The following GPC5 variants were observed in gnomAD, a reference collection of about 807,000 sequenced individuals.
GPC5 encodes glypican-5.
Under a neutral mutation model 53.9 loss-of-function variants are expected in GPC5, and 47 were observed. The observed-to-expected ratio is 0.87, with a 90% CI of 0.69 to 1.11. The LOEUF (loss-of-function observed/expected upper bound fraction) is 1.11, where lower values mean the gene tolerates loss of function less well. Among genes scored for constraint, GPC5 ranks in the 50% most tolerant of loss-of-function variants. GPC5 has a pLI of 0.00. For missense variants in GPC5, 748 were observed against 713.1 expected (o/e 1.05, Z -0.56); for synonymous variants, 286 against 263.3 (o/e 1.09, Z -0.84).
At chr13:91,946,854 T>C (rs1009688285) in intron 6 of GPC5, among the ~76,000 whole-genome samples, 3 of 152,234 alleles carry the variant, frequency 2.0e-5, no homozygotes, top group African/African-American at 7.2e-5. Context: ...ATAAGCCAGC[T>C]TTGCAATTAA....
chr13:92,304,368 C>T (rs1382962535), intron 7 of GPC5, among the ~76,000 whole-genome samples: 1 of 151,916 alleles, frequency 6.6e-6, no homozygotes, highest in African/African-American at 2.4e-5. Context: ...CCACGCCCGG[C>T]TAATTTTTTG....
intron 7 of GPC5, chr13:92,510,136 T>G (rs1880512560): frequency 6.6e-6 from 1 of 152,306 alleles, no homozygotes; most frequent in Admixed American, 6.5e-5. Context: ...ACATAATTTC[T>G]TATACACACT....
intron 7 of GPC5, among the ~76,000 whole-genome samples, chr13:92,216,581 G>C (rs1370908570): frequency 3.3e-5 from 5 of 152,144 alleles, no homozygotes. Context: ...AACCACAAAT[G>C]ATAATAATGA....
chr13:91,398,992 G>T lies in GPC5; in HGVS notation c.-55G>T. On this transcript the variant is annotated 5_prime_UTR_variant, in exon 1 of 8. Transcript: ENST00000377067. ...TCTTCCACGTCTGCAGCTCAGCCAG[G>T]GCGCGCAGGGCGAGTGGGGTCCACT... The T allele has an allele frequency of 4.6e-6, 7 of 1,520,058 alleles. No individual in the cohort carries two copies. The highest frequency in any genetic ancestry group is 6.2e-6 in the Non-Finnish European group (7 of 1,128,372). The allele number at this position is 1,520,058 out of a possible 1,614,324, so 94.2% of individuals were successfully genotyped here. A position where few individuals can be genotyped will look rare whatever the true frequency, so the allele number is the denominator to read the frequency against.
At chr13:92,035,148 G>C (rs554813750) in intron 6 of GPC5, among the ~76,000 whole-genome samples, 2 of 151,956 alleles carry the variant, frequency 1.3e-5, no homozygotes, top group South Asian at 4.2e-4. Flanking sequence ...CCGGGAGGCG[G>C]GGCTTGCAGT....
intron 7 of GPC5, among the ~76,000 whole-genome samples, chr13:92,249,119 C>T (rs1296835182): frequency 2.7e-4 from 41 of 151,906 alleles, no homozygotes; most frequent in South Asian, 2.1e-4. Flanking sequence ...ATAATCACTT[C>T]GGGGTAAATT....
rs1245692173 is a variant in GPC5, at chr13:91,572,511, G to A, written c.326-120676G>A. 6.6e-5 allele frequency among the ~76,000 whole-genome samples: 10 copies of A among 152,032 alleles called. No homozygotes were observed. The East Asian group carries it at 1.7e-3, about 26-fold the overall frequency. On this transcript the variant is annotated intron_variant, in intron 2 of 7. Coordinates refer to ENST00000377067, the MANE Select transcript of GPC5 (RefSeq NM_004466.6). ...GCTTATAATCATGGCTGACAGCAAA[G>A]GGGGAGCCATTGTATCACATGGTGA...
At chr13:92,304,774 C>T (rs9301794) in intron 7 of GPC5, among the ~76,000 whole-genome samples, 54,325 of 151,936 alleles carry the variant, frequency 0.36, 11,085 homozygotes, top group African/African-American at 0.56. Flanking sequence ...TAACTTTGTA[C>T]AAATGGAAAA....
intron 7 of GPC5, among the ~76,000 whole-genome samples, chr13:92,467,374 TTAATA>T (rs1184188982): frequency 6.6e-6 from 1 of 152,116 alleles, no homozygotes; most frequent in African/African-American, 2.4e-5. Context: ...TTGGTATACA[TTAATA>T]TAAGTTTATG....
At chr13:92,832,414 T>C (rs1361653321) in intron 7 of GPC5, among the ~76,000 whole-genome samples, 2 of 152,204 alleles carry the variant, frequency 1.3e-5, no homozygotes, top group Non-Finnish European at 2.9e-5. Context: ...AGATATGTAA[T>C]GGATTTCCTG....
At chr13:91,752,122 T>C (rs956544606) in intron 4 of GPC5, among the ~76,000 whole-genome samples, 1 of 152,246 alleles carries the variant, frequency 6.6e-6, no homozygotes, top group African/African-American at 2.4e-5. Flanking sequence ...GTGTCCCTGG[T>C]ATCTCTTCGT....
At chr13:92,094,609 T>C (rs888870035) in intron 6 of GPC5, among the ~76,000 whole-genome samples, 1 of 150,666 alleles carries the variant, frequency 6.6e-6, no homozygotes, top group Admixed American at 6.6e-5. Flanking sequence ...GACTCCCTAA[T>C]CAAAGAAACT....
chr13:92,485,251 T>C lies in GPC5; in HGVS notation c.1561+340262T>C, dbSNP rs771977102. ...ATATATTTTCTGAATATATGAGTGA[T>C]GTAACCTTGATGGTATTATAGGAAG... On this transcript the variant is annotated intron_variant, in intron 7 of 7. Coordinates refer to ENST00000377067, the MANE Select transcript of GPC5 (RefSeq NM_004466.6). Among the ~76,000 whole-genome samples, 47 of 152,334 alleles carry C rather than the reference T, an allele frequency of 3.1e-4. 1 individual carries two copies. The Middle Eastern group carries it at 0.01, about 33-fold the overall frequency.
chr13:92,192,271 A>T (rs1209331998), intron 7 of GPC5, among the ~76,000 whole-genome samples: 1 of 152,204 alleles, frequency 6.6e-6, no homozygotes, highest in Non-Finnish European at 1.5e-5. Context: ...TGGTTCATTT[A>T]TTAAAACAAA....
intron 3 of GPC5, among the ~76,000 whole-genome samples, chr13:91,718,108 G>A (rs898024720): frequency 1.3e-5 from 2 of 150,960 alleles, no homozygotes; most frequent in African/African-American, 4.9e-5. Flanking sequence ...CTTTGTTGTT[G>A]TTGTTGTTGT....
At chr13:92,729,290 A>G (rs556521481) in intron 7 of GPC5, among the ~76,000 whole-genome samples, 2 of 151,100 alleles carry the variant, frequency 1.3e-5, no homozygotes, top group African/African-American at 4.8e-5. Flanking sequence ...TTTCATATCA[A>G]CCCCTAGATC....
chr13:92,668,203 A>C (rs920471226), intron 7 of GPC5, among the ~76,000 whole-genome samples: 3 of 152,146 alleles, frequency 2.0e-5, no homozygotes, highest in African/African-American at 7.2e-5. Context: ...CTCAGTATTG[A>C]CTATTGTCAT....
intron 7 of GPC5, chr13:92,659,015 G>A (rs1886241923): frequency 7.9e-6 from 1 of 126,756 alleles, no homozygotes; most frequent in South Asian, 2.8e-4. Context: ...TGCAAGCTCC[G>A]CCTCCCGGGT....
intron 7 of GPC5, among the ~76,000 whole-genome samples, chr13:92,835,662 A>C: frequency 6.6e-6 from 1 of 151,994 alleles, no homozygotes; most frequent in Non-Finnish European, 1.5e-5. Flanking sequence ...CATGTTTGTA[A>C]AGAGATCCTT....
Sources: allele counts gnomAD v4.1 joint callset (sites outside exome capture counted in the v4.1 genomes callset), GRCh38; gene constraint gnomAD v4.1.1; transcripts MANE v1.5; gene names NCBI Gene and HGNC (gene_info 2026-07-23, HGNC 2026-07-21).